The following FNDC3B variants were observed in gnomAD, a reference collection of about 807,000 sequenced individuals.
FNDC3B encodes the protein fibronectin type III domain containing 3B, also known as fibronectin type III domain-containing protein 3B.
In FNDC3B, 12 loss-of-function variants were observed where a neutral mutation model predicts 151.5. The ratio of observed to expected loss-of-function variants is 0.08; its 90% CI spans 0.05 to 0.13. The LOEUF (loss-of-function observed/expected upper bound fraction) is 0.13, where lower values mean the gene tolerates loss of function less well. FNDC3B is among the 10% of genes least tolerant of loss of function. FNDC3B has a pLI of 1.00. For synonymous variants in FNDC3B, 528 were observed against 549.0 expected (o/e 0.96, Z 0.54); for missense variants, 1,214 against 1,505.3 (o/e 0.81, Z 3.20).
At chr3:172,047,167 T>C (rs1166252988) in intron 1 of FNDC3B, among the ~76,000 whole-genome samples, 1 of 152,214 alleles carries the variant, frequency 6.6e-6, no homozygotes, top group Non-Finnish European at 1.5e-5. Flanking sequence ...TGAAAAGCTT[T>C]CTGTTGAAAT....
At chr3:172,346,193 A>G (rs1378299536) in intron 19 of FNDC3B, 134 bp from the exon 20 acceptor site, 1 of 457,140 alleles carries the variant, frequency 2.2e-6, no homozygotes, top group Non-Finnish European at 3.9e-6. Flanking sequence ...TCATTGGGTA[A>G]TATTTGTTAA....
chr3:172,379,522 A>G (rs1221085961), intron 24 of FNDC3B, among the ~76,000 whole-genome samples: 2 of 152,148 alleles, frequency 1.3e-5, no homozygotes, highest in African/African-American at 4.8e-5. Context: ...TAGGGTAAAT[A>G]CCTTCCTCCT....
chr3:172,330,583 C>T lies in FNDC3B; in HGVS notation c.1422C>T (p.Ile474=), dbSNP rs373138035. The T allele has an allele frequency of 3.1e-6, 5 of 1,613,952 alleles. No individual in the cohort carries two copies. The highest frequency in any genetic ancestry group is 4.2e-6 in the Non-Finnish European group (5 of 1,179,972). ...QEVVCYTLGN[I]PQMPSAPRLV... ...TGGTGTGCTACACATTAGGAAATATCCCTCAGATGCCTTCTGCACCAAGGC... is the reference window on the plus strand; with the variant it reads ...TGGTGTGCTACACATTAGGAAATATTCCTCAGATGCCTTCTGCACCAAGGC... Residue 474 remains isoleucine (I), a synonymous_variant, in exon 13 of 26, where the codon ATC becomes ATT. Transcript: ENST00000415807.
intron 4 of FNDC3B, among the ~76,000 whole-genome samples, chr3:172,233,436 G>A (rs1726983417): frequency 6.6e-6 from 1 of 152,128 alleles, no homozygotes; most frequent in South Asian, 2.1e-4. Context: ...CCTTAGCCAG[G>A]GAAAGACAAG....
chr3:172,146,035 G>A (rs9816937), intron 3 of FNDC3B, among the ~76,000 whole-genome samples: 74,601 of 151,758 alleles, frequency 0.49, 18,663 homozygotes, highest in East Asian at 0.58. Context: ...CTGATCTTGA[G>A]CTCCCATCCT....
chr3:172,131,170 A>G (rs1013834759), intron 2 of FNDC3B, among the ~76,000 whole-genome samples: 7 of 152,100 alleles, frequency 4.6e-5, no homozygotes, highest in Admixed American at 2.0e-4. Context: ...GCCGAGACGG[A>G]CGGATCACCT....
At chr3:172,108,540 C>CTTAACAAAA (rs1719794159) in intron 1 of FNDC3B, among the ~76,000 whole-genome samples, 7 of 152,212 alleles carry the variant, frequency 4.6e-5, no homozygotes, top group Admixed American at 2.0e-4. Flanking sequence ...AGAGTTAAGT[C>CTTAACAAAA]CACGTGTAGT....
At chr3:172,215,321 T>G (rs1450003424) in intron 3 of FNDC3B, among the ~76,000 whole-genome samples, 1 of 152,108 alleles carries the variant, frequency 6.6e-6, no homozygotes, top group Admixed American at 6.5e-5. Flanking sequence ...GGGATGGAAG[T>G]GGGGGTACAT....
intron 1 of FNDC3B, among the ~76,000 whole-genome samples, chr3:172,050,469 C>T (rs183280964): frequency 4.6e-5 from 7 of 151,970 alleles, no homozygotes; most frequent in East Asian, 3.9e-4. Flanking sequence ...CTGCAACCTC[C>T]GTCTCCTGGG....
chr3:172,350,348 T>C (rs185421554), intron 21 of FNDC3B, among the ~76,000 whole-genome samples: 2 of 152,304 alleles, frequency 1.3e-5, no homozygotes, highest in East Asian at 3.9e-4. Flanking sequence ...AGGTTTGAAC[T>C]AAGCTTCAAC....
chr3:172,326,856 G>C (rs1035450659), intron 11 of FNDC3B, among the ~76,000 whole-genome samples: 19 of 152,222 alleles, frequency 1.2e-4, no homozygotes, highest in Non-Finnish European at 1.9e-4. Flanking sequence ...AAGGGGAAAG[G>C]AGACCAAATA....
At chr3:172,362,104 T>C (rs11926031) in intron 22 of FNDC3B, among the ~76,000 whole-genome samples, 5,617 of 152,342 alleles carry the variant, frequency 0.037, 355 homozygotes, top group African/African-American at 0.13. Flanking sequence ...CACATCTGGA[T>C]GCCATCCCAT....
chr3:172,228,095 C>G (rs1726686117), intron 4 of FNDC3B, among the ~76,000 whole-genome samples: 1 of 151,612 alleles, frequency 6.6e-6, no homozygotes, highest in Non-Finnish European at 1.5e-5. Context: ...TACTGAGTTA[C>G]TTACTTACTT....
intron 1 of FNDC3B, among the ~76,000 whole-genome samples, chr3:172,093,400 A>C (rs1159904071): frequency 2.6e-5 from 4 of 151,854 alleles, no homozygotes; most frequent in Non-Finnish European, 4.4e-5. Context: ...CTGGGACTAC[A>C]GGCGCCCGCC....
At chr3:172,319,646 G>T (rs182125737) in intron 11 of FNDC3B, among the ~76,000 whole-genome samples, 231 of 152,254 alleles carry the variant, frequency 1.5e-3, no homozygotes, top group African/African-American at 5.4e-3. Context: ...GTGGGGTTTG[G>T]CACGAGGAAC....
At chr3:172,200,484 C>G (rs570581146) in intron 3 of FNDC3B, among the ~76,000 whole-genome samples, 84 of 152,274 alleles carry the variant, frequency 5.5e-4, no homozygotes, top group African/African-American at 1.7e-3. Flanking sequence ...CCGTGCAAAC[C>G]ATTCTGTTTT....
At chr3:172,208,881 A>T (rs1258198081) in intron 3 of FNDC3B, among the ~76,000 whole-genome samples, 2 of 152,070 alleles carry the variant, frequency 1.3e-5, no homozygotes, top group Non-Finnish European at 2.9e-5. Context: ...AGCTCCATGC[A>T]CCAGCATAGG....
intron 3 of FNDC3B, 24 bp downstream of exon 3, chr3:172,133,570 T>G: frequency 6.5e-7 from 1 of 1,530,550 alleles, no homozygotes; most frequent in Non-Finnish European, 9.1e-7. Flanking sequence ...TGGTAAATAT[T>G]CTAATCAAAG....
chr3:172,344,497 C>T (rs1023914755), intron 19 of FNDC3B, among the ~76,000 whole-genome samples: 6 of 152,160 alleles, frequency 3.9e-5, no homozygotes, highest in Admixed American at 1.3e-4. Context: ...AGACAGCACT[C>T]AAGGTTAATA....
Sources: allele counts gnomAD v4.1 joint callset (sites outside exome capture counted in the v4.1 genomes callset), GRCh38; gene constraint gnomAD v4.1.1; transcripts MANE v1.5; gene names NCBI Gene and HGNC (gene_info 2026-07-23, HGNC 2026-07-21).